SORCS3: variants seen among roughly 807,000 people sequenced by gnomAD.
SORCS3 encodes the protein VPS10 domain-containing receptor SorCS3.
SORCS3 carries 57 observed loss-of-function variants against 146.3 expected under a neutral mutation model. The observed-to-expected ratio is 0.39, with a 90% CI of 0.31 to 0.49. SORCS3 has a LOEUF of 0.49. Among genes scored for constraint, SORCS3 ranks in the 20% least tolerant of loss-of-function variants. The pLI, the probability that SORCS3 is intolerant of heterozygous loss-of-function variation, is 0.92. For missense variants in SORCS3, 1,341 were observed against 1,575.5 expected (o/e 0.85, Z 2.52); for synonymous variants, 653 against 618.5 (o/e 1.06, Z -0.83).
chr10:104,815,183 G>A (rs1165860905), intron 1 of SORCS3, among the ~76,000 whole-genome samples: 1 of 152,202 alleles, frequency 6.6e-6, no homozygotes, highest in Non-Finnish European at 1.5e-5. Flanking sequence ...GTCAGGGCCA[G>A]GTGCGGTGGC....
chr10:104,990,231 A>G (rs114772338), intron 4 of SORCS3, among the ~76,000 whole-genome samples: 4,924 of 152,256 alleles, frequency 0.032, 211 homozygotes, highest in African/African-American at 0.1. Context: ...TCTGAGACAT[A>G]TGTCTTATAC....
chr10:105,207,413 C>T (rs2056609227), intron 16 of SORCS3, among the ~76,000 whole-genome samples: 1 of 151,982 alleles, frequency 6.6e-6, no homozygotes, highest in Non-Finnish European at 1.5e-5. Flanking sequence ...ACTTCTAAAG[C>T]TGTTATAGTT....
rs114303567 is a variant in SORCS3 at position 105,223,234 on chromosome 10, C to T, written c.2853C>T (p.Phe951=). Reference sequence around the variant, plus strand: ...GGACCCTTACCTATTTCTGGTGGTTCGGCAATAGCACAAAGGTTTGGCCCT... The same window carrying T: ...GGACCCTTACCTATTTCTGGTGGTTTGGCAATAGCACAAAGGTTTGGCCCT... ...QLGTLTYFWW[F]GNSTKPLITL... is the part of the protein sequence containing the mutation. The change falls in exon 20 of 27, where the codon TTC becomes TTT. Residue 951 remains phenylalanine, a synonymous_variant. Coordinates refer to ENST00000369701, the MANE Select transcript of SORCS3 (RefSeq NM_014978.3). The T allele has an allele frequency of 2.6e-4, 417 of 1,611,144 alleles. 1 individual carries two copies. In the African/African-American group the frequency reaches 4.3e-3, roughly 16 times the overall value.
intron 1 of SORCS3, among the ~76,000 whole-genome samples, chr10:104,657,148 A>G (rs2015641916): frequency 6.6e-6 from 1 of 152,158 alleles, no homozygotes; most frequent in South Asian, 2.1e-4. Context: ...TGAGAAAAAC[A>G]TAGCCTATTG....
intron 6 of SORCS3, among the ~76,000 whole-genome samples, chr10:105,097,465 C>T (rs2055754418): frequency 6.6e-6 from 1 of 152,110 alleles, no homozygotes; most frequent in South Asian, 2.1e-4. Flanking sequence ...GACCGACAGA[C>T]AGAAGGACAC....
chr10:105,124,320 T>C (rs1352218256), intron 7 of SORCS3, among the ~76,000 whole-genome samples: 3 of 152,136 alleles, frequency 2.0e-5, no homozygotes, highest in Admixed American at 1.3e-4. Context: ...ACCCCTACTT[T>C]CCTGGGGTGG....
chr10:104,719,898 T>A (rs552983454), intron 1 of SORCS3, among the ~76,000 whole-genome samples: 1 of 152,164 alleles, frequency 6.6e-6, no homozygotes, highest in South Asian at 2.1e-4. Context: ...GAAAGTTGTC[T>A]GATGAAAGAT....
At chr10:105,094,803 A>G (rs577806032) in intron 6 of SORCS3, among the ~76,000 whole-genome samples, 2 of 152,332 alleles carry the variant, frequency 1.3e-5, no homozygotes, top group Admixed American at 1.3e-4. Context: ...AGCATTCTGG[A>G]TAGAGAGAAG....
At chr10:104,788,657 C>A (rs2017464258) in intron 1 of SORCS3, among the ~76,000 whole-genome samples, 1 of 152,164 alleles carries the variant, frequency 6.6e-6, no homozygotes, top group Non-Finnish European at 1.5e-5. Flanking sequence ...GTATTACTTT[C>A]TCAAATCACT....
At chr10:105,174,636 C>T (rs1458706724) in intron 13 of SORCS3, among the ~76,000 whole-genome samples, 1 of 151,888 alleles carries the variant, frequency 6.6e-6, no homozygotes, top group Non-Finnish European at 1.5e-5. Flanking sequence ...AGAGTCCTGC[C>T]CACTTGCTTG....
intron 2 of SORCS3, among the ~76,000 whole-genome samples, chr10:104,914,742 A>G (rs139520307): frequency 1.3e-5 from 2 of 152,348 alleles, no homozygotes; most frequent in East Asian, 3.9e-4. Flanking sequence ...TAAAGGCTCA[A>G]AGCAAAGGCT....
chr10:105,062,872 C>G (rs1405949174), intron 5 of SORCS3, among the ~76,000 whole-genome samples: 2 of 152,174 alleles, frequency 1.3e-5, no homozygotes, highest in African/African-American at 4.8e-5. Context: ...CTCCATCAGA[C>G]ACCTTTTGGT....
At chr10:105,146,724 C>T (rs533345206) in intron 8 of SORCS3, among the ~76,000 whole-genome samples, 1 of 152,210 alleles carries the variant, frequency 6.6e-6, no homozygotes, top group Admixed American at 6.5e-5. Context: ...TAATCTGAAA[C>T]AGATTGATAA....
At chr10:105,068,277 C>G (rs1454016565) in intron 5 of SORCS3, among the ~76,000 whole-genome samples, 5 of 152,156 alleles carry the variant, frequency 3.3e-5, no homozygotes, top group Admixed American at 1.3e-4. Context: ...ATTGTCTGAC[C>G]TAGAAATCTC....
intron 5 of SORCS3, among the ~76,000 whole-genome samples, chr10:105,050,724 A>G (rs2133710389): frequency 6.6e-6 from 1 of 152,210 alleles, no homozygotes; most frequent in African/African-American, 2.4e-5. Flanking sequence ...GTTTTGTAGT[A>G]ATCTGTTACA....
intron 15 of SORCS3, 22 bp from the exon 16 acceptor site, chr10:105,201,098 C>T: frequency 6.2e-7 from 1 of 1,608,160 alleles, no homozygotes; most frequent in Non-Finnish European, 8.5e-7. Flanking sequence ...CTGTCTCTCA[C>T]ACTATGGAAT....
At chr10:105,182,633 T>TG (rs1452280091) in intron 14 of SORCS3, among the ~76,000 whole-genome samples, 1 of 152,122 alleles carries the variant, frequency 6.6e-6, no homozygotes, top group Non-Finnish European at 1.5e-5. Context: ...GATAAATACA[T>TG]GAAATAATTA....
chr10:104,993,242 G>T (rs572637443), intron 4 of SORCS3, among the ~76,000 whole-genome samples: 4 of 152,180 alleles, frequency 2.6e-5, no homozygotes, highest in African/African-American at 9.7e-5. Context: ...AGAGGGGAGC[G>T]TCTGGTTGGC....
At chr10:105,190,673 A>C (rs2056511699) in intron 14 of SORCS3, among the ~76,000 whole-genome samples, 1 of 152,114 alleles carries the variant, frequency 6.6e-6, no homozygotes, top group African/African-American at 2.4e-5. Flanking sequence ...AAGTGCTGGG[A>C]TTTCAGGCGT....
Sources: allele counts gnomAD v4.1 joint callset (sites outside exome capture counted in the v4.1 genomes callset), GRCh38; gene constraint gnomAD v4.1.1; transcripts MANE v1.5; gene names NCBI Gene and HGNC (gene_info 2026-07-23, HGNC 2026-07-21).